The following SLC5A7 variants were observed in gnomAD, a reference collection of about 807,000 sequenced individuals.
The protein encoded by SLC5A7 is high affinity choline transporter 1.
A neutral mutation model predicts 55.4 loss-of-function variants in SLC5A7; 19 were observed. That is an observed-to-expected ratio of 0.34 (90% CI 0.24 to 0.50). SLC5A7 has a LOEUF of 0.50. SLC5A7 is among the 20% of genes least tolerant of loss of function. SLC5A7 has a pLI of 0.98. For missense variants in SLC5A7, 506 were observed against 705.3 expected (o/e 0.72, Z 3.20); for synonymous variants, 265 against 263.7 (o/e 1.00, Z -0.05).
chr2:108,008,427 C>A (rs1401530361), intron 7 of SLC5A7, 38 bp from the exon 8 acceptor site: 1 of 1,549,196 alleles, frequency 6.5e-7, no homozygotes, highest in Non-Finnish European at 8.9e-7. Flanking sequence ...ACATTTGGTT[C>A]CTTGGTGGTT....
In SLC5A7 at chr2:107,988,109, C is replaced by G; in HGVS notation, c.-47C>G. 6.3e-7 allele frequency: 1 copy of G among 1,588,134 alleles called. No homozygotes were observed. The highest frequency in any genetic ancestry group is 8.6e-7 in the Non-Finnish European group (1 of 1,161,330). ...GCATCCCTGTATTTTCTTCAGAAGA[C>G]TTAATGAAGTAGCCAGCTGCAGAAG... is the stretch of plus-strand genomic sequence containing the variant. On this transcript the variant is annotated 5_prime_UTR_variant, in exon 2 of 9. Coordinates refer to ENST00000264047, the MANE Select transcript of SLC5A7 (RefSeq NM_021815.5).
rs745483747 is a variant in SLC5A7 at position 108,008,604 on chromosome 2, GTC to G, written c.1036_1037del (p.Ser346IlefsTer65). 1.2e-6 allele frequency: 2 copies of G among 1,613,324 alleles called. No individual in the cohort carries two copies. The highest frequency in any genetic ancestry group is 1.7e-6 in the Non-Finnish European group (2 of 1,179,762). ...TTGGTGCAGTTTCTGCTGCTGTTAT[GTC>G]ATCAGCAGATTCTTCCATCTTGTCA... ...GLGAVSAAVM[S>X]SADSSILSAS... On this transcript the variant is annotated frameshift_variant, in exon 8 of 9. Coordinates refer to ENST00000264047, the MANE Select transcript of SLC5A7 (RefSeq NM_021815.5). LOFTEE classifies it high-confidence loss of function.
intron 7 of SLC5A7, 59 bp downstream of exon 7, chr2:108,006,261 AC>A: frequency 6.3e-7 from 1 of 1,591,160 alleles, no homozygotes; most frequent in African/African-American, 1.4e-5. Flanking sequence ...CCACCCAGAC[AC>A]CCTTCTGTCC....
chr2:108,010,265 A>G lies in SLC5A7; in HGVS notation c.1147A>G (p.Ile383Val), dbSNP rs1414740277. ...SDKEIVWVMR[I>V]TVFVFGASAT... is the part of the protein sequence containing the mutation. The stretch of plus-strand genomic sequence containing the variant: ...CAAAGAAATCGTTTGGGTTATGCGA[A>G]TCACAGTGTTTGTGTTTGGAGCATC... Residue 383 changes from isoleucine to valine, a missense_variant, in exon 9 of 9, where the codon ATC becomes GTC. Ile to Val is a conservative substitution (Grantham distance 29). Transcript: ENST00000264047. The G allele has an allele frequency of 6.2e-7, 1 of 1,613,850 alleles. No individual in the cohort carries two copies. The highest frequency in any genetic ancestry group is 1.7e-5 in the Admixed American group (1 of 59,948).
intron 8 of SLC5A7, 91 bp downstream of exon 8, chr2:108,008,773 T>C: frequency 2.3e-6 from 2 of 852,590 alleles, no homozygotes. Flanking sequence ...ATTATATATT[T>C]ATTAATATTC....
intron 4 of SLC5A7, among the ~76,000 whole-genome samples, chr2:107,994,358 C>T (rs10187243): frequency 2.0e-5 from 3 of 152,070 alleles, no homozygotes; most frequent in Admixed American, 6.5e-5. Flanking sequence ...CCAAGGAGGG[C>T]GGATCACGAG....
intron 6 of SLC5A7, among the ~76,000 whole-genome samples, chr2:108,002,907 A>G (rs1677972093): frequency 6.6e-6 from 1 of 152,174 alleles, no homozygotes; most frequent in Non-Finnish European, 1.5e-5. Flanking sequence ...ATTAAGCTTA[A>G]AGGGAAATTG....
chr2:107,988,224 A>G lies in SLC5A7; in HGVS notation c.69A>G (p.Ile23Met). The change falls in exon 2 of 9, where the codon ATA becomes ATG. Residue 23 changes from isoleucine (I) to methionine (M), a missense_variant. Physicochemically the swap from Ile to Met is conservative, Grantham distance 10 (BLOSUM62 1). This residue lies in a region of SLC5A7 where 56 missense variants were observed against 62.6 expected (regional missense o/e 0.89). Transcript: ENST00000264047. ...ACCTTCTAATTTTGCTGGTTGGAAT[A>G]TGGGCTGCCTGGAGAACCAAAAACA... ...VFYLLILLVG[I>M]WAAWRTKNSG... 1 of 1,614,216 alleles carries G rather than the reference A, an allele frequency of 6.2e-7. No individual in the cohort carries two copies.
chr2:107,997,232 C>A (rs1677703233), intron 4 of SLC5A7, among the ~76,000 whole-genome samples: 1 of 152,170 alleles, frequency 6.6e-6, no homozygotes, highest in Admixed American at 6.5e-5. Flanking sequence ...TTTACTGTTA[C>A]TTTCTCTGTT....
rs566433580 is a variant in SLC5A7 at position 107,999,901 on chromosome 2, T to C, written c.597+1915T>C. 2.6e-5 allele frequency among the ~76,000 whole-genome samples: 4 copies of C among 152,356 alleles called. No individual in the cohort carries two copies. The South Asian group carries it at 8.3e-4, about 32-fold the overall frequency. On this transcript the variant is annotated intron_variant, in intron 5 of 8. Coordinates refer to ENST00000264047, the MANE Select transcript of SLC5A7 (RefSeq NM_021815.5). ...TCATCTAGGTGGAATTGAAATCACC[T>C]ACCACTTTCCCTGACTCTTCCTTTT...
At position 107,995,472 on chromosome 2, in the gene SLC5A7, T is replaced by A. The variant is rs1365812; in HGVS notation, c.448+2345T>A. ...GAGAGAGAGAGAGAGAGAGAGAGAG[T>A]GTGTGTGTGTGTGTGTGTGTGTGTG... is the stretch of plus-strand genomic sequence containing the variant. On this transcript the variant is annotated intron_variant, in intron 4 of 8. Coordinates refer to ENST00000264047, the MANE Select transcript of SLC5A7 (RefSeq NM_021815.5). Among the ~76,000 whole-genome samples, 421 of 51,298 alleles carry A rather than the reference T, an allele frequency of 8.2e-3. 2 individuals are homozygous for A. Among genetic ancestry groups the A allele is most frequent in the South Asian group, 0.019 (21 of 1,098 alleles). 33.7% of individuals were successfully genotyped at this position (51,298 alleles called of 152,430 possible). A position where few individuals can be genotyped will look rare whatever the true frequency, so the allele number is the denominator to read the frequency against.
At chr2:107,991,535 T>G (rs1318933529) in intron 2 of SLC5A7, among the ~76,000 whole-genome samples, 1 of 152,092 alleles carries the variant, frequency 6.6e-6, no homozygotes, top group East Asian at 1.9e-4. Flanking sequence ...CCCAGAGTGT[T>G]CAAGAAAAGA....
Position 107,995,470 on chromosome 2 carries a change from AGTGTGTGT to A in SLC5A7, c.449-2344_449-2337del, listed in dbSNP as rs57328827. ...GAGAGAGAGAGAGAGAGAGAGAGAG[AGTGTGTGT>A]GTGTGTGTGTGTGTGTGTGTGTGAA... On this transcript the variant is annotated intron_variant, in intron 4 of 8. Transcript: ENST00000264047. Among the ~76,000 whole-genome samples the A allele has an allele frequency of 9.8e-4, 135 of 137,258 alleles. 2 individuals are homozygous for A. The East Asian group carries it at 0.022, about 23-fold the overall frequency. The allele number at this position is 137,258 out of a possible 152,430, so 90.0% of individuals were successfully genotyped here. A position where few individuals can be genotyped will look rare whatever the true frequency, so the allele number is the denominator to read the frequency against.
intron 6 of SLC5A7, among the ~76,000 whole-genome samples, chr2:108,005,106 A>G (rs1558868782): frequency 6.6e-6 from 1 of 152,228 alleles, no homozygotes; most frequent in African/African-American, 2.4e-5. Flanking sequence ...GCAACCATAC[A>G]ATATTTAGGT....
intron 5 of SLC5A7, among the ~76,000 whole-genome samples, chr2:108,001,380 A>AAT (rs1038673137): frequency 2.0e-5 from 3 of 152,198 alleles, no homozygotes; most frequent in African/African-American, 7.2e-5. Context: ...CAAGCATAGA[A>AAT]ATAGTCAATG....
At chr2:108,009,808 G>T (rs1678247215) in intron 8 of SLC5A7, among the ~76,000 whole-genome samples, 2 of 152,150 alleles carry the variant, frequency 1.3e-5, no homozygotes. Flanking sequence ...ACCAGAAGGT[G>T]GTTAGTTTAA....
At chr2:107,998,791 TG>T (rs1677774630) in intron 5 of SLC5A7, among the ~76,000 whole-genome samples, 1 of 152,226 alleles carries the variant, frequency 6.6e-6, no homozygotes, top group Non-Finnish European at 1.5e-5. Context: ...GGCCACAGAC[TG>T]AGCAACCTAA....
rs894945440 is a variant in SLC5A7 at position 107,993,239 on chromosome 2, T to C, written c.448+112T>C. On this transcript the variant is annotated intron_variant, in intron 4 of 8. Coordinates refer to ENST00000264047, the MANE Select transcript of SLC5A7 (RefSeq NM_021815.5). Reference sequence around the variant, plus strand: ...TGAGGACATTTTTATTAAAACCATATGCTGAACCATATTTATATGCATAAA... The same window carrying C: ...TGAGGACATTTTTATTAAAACCATACGCTGAACCATATTTATATGCATAAA... 12 of 1,132,634 alleles carry C rather than the reference T, an allele frequency of 1.1e-5. No individual in the cohort carries two copies. In the African/African-American group the frequency reaches 1.7e-4, roughly 16 times the overall value. The allele number at this position is 1,132,634 out of a possible 1,614,324, so 70.2% of individuals were successfully genotyped here. A position where few individuals can be genotyped will look rare whatever the true frequency, so the allele number is the denominator to read the frequency against.
chr2:108,003,584 A>G (rs1171900468), intron 6 of SLC5A7, among the ~76,000 whole-genome samples: 2 of 152,178 alleles, frequency 1.3e-5, no homozygotes, highest in African/African-American at 2.4e-5. Flanking sequence ...CTATGTGAAG[A>G]TGACTTGTCA....
Sources: allele counts gnomAD v4.1 joint callset (sites outside exome capture counted in the v4.1 genomes callset), GRCh38; gene constraint gnomAD v4.1.1; regional missense constraint gnomAD v4.1.1; transcripts MANE v1.5; gene names NCBI Gene and HGNC (gene_info 2026-07-23, HGNC 2026-07-21).